DICER1: variants seen among roughly 807,000 people sequenced by gnomAD.
DICER1 encodes the protein dicer 1, ribonuclease III, also known as endoribonuclease Dicer.
DICER1 carries 43 observed loss-of-function variants against 194.1 expected under a neutral mutation model. The observed-to-expected ratio is 0.22, with a 90% CI of 0.17 to 0.29. The LOEUF is 0.29. DICER1 is among the 10% of genes least tolerant of loss of function. The pLI, the probability that DICER1 is intolerant of heterozygous loss-of-function variation, is 1.00. For synonymous variants in DICER1, 832 were observed against 820.5 expected, an observed-to-expected ratio of 1.01 and a Z score of -0.24; for missense variants, 1,608 against 2,317.0, an observed-to-expected ratio of 0.69 and a Z score of 6.28.
At position 95,133,431 on chromosome 14, in the gene DICER1, T is replaced by C; in HGVS notation, c.28A>G (p.Ser10Gly). Residue 10 changes from serine (S) to glycine (G), a missense_variant, in exon 2 of 27, where the codon AGC becomes GGC. By Grantham distance (56) the Ser-to-Gly change is moderately conservative. Coordinates refer to ENST00000343455, the MANE Select transcript of DICER1 (RefSeq NM_177438.3). ...GTCATGAGCTGCAGGCCTGCCATGC[T>C]GAGGGGTTGCAAAGCAGGGCTTTTC... is the stretch of plus-strand genomic sequence containing the variant. Reference protein sequence around the residue: MKSPALQPLSMAGLQLMTPA... With the variant: MKSPALQPLGMAGLQLMTPA... 1 of 1,613,922 alleles carries C rather than the reference T, an allele frequency of 6.2e-7. No homozygotes were observed.
In DICER1 at chr14:95,088,571, A is replaced by T. The variant is rs1426905340; in HGVS notation, c.*1927T>A. 4 of 231,962 alleles carry T rather than the reference A, an allele frequency of 1.7e-5. No individual in the cohort carries two copies. Among genetic ancestry groups the T allele is most frequent in the Non-Finnish European group, 2.6e-5 (3 of 117,338 alleles). The allele number at this position is 231,962 out of a possible 1,614,324, so 14.4% of individuals were successfully genotyped here. A position where few individuals can be genotyped will look rare whatever the true frequency, so the allele number is the denominator to read the frequency against. ...GTCATATCTTACATTAAGGTTTTTT[A>T]AAAAATCAAATAGACATCTAAGGTT... On this transcript the variant is annotated 3_prime_UTR_variant, in exon 27 of 27. Transcript: ENST00000343455.
chr14:95,156,841 T>A (rs73331578), intron 1 of DICER1, among the ~76,000 whole-genome samples: 4,297 of 152,078 alleles, frequency 0.028, 200 homozygotes, highest in African/African-American at 0.097. Context: ...CAGGCGCGCG[T>A]CTCCACCTCC....
In DICER1 at chr14:95,091,081, G is replaced by T. The variant is rs745795376; in HGVS notation, c.5556C>A (p.Ser1852=). 4 of 1,613,800 alleles carry T rather than the reference G, an allele frequency of 2.5e-6. No individual in the cohort carries two copies. The African/African-American group carries it at 4.0e-5, about 16-fold the overall frequency. Reference sequence around the variant, plus strand: ...CCATTTCAAGCAATTCTCGCACAGGGGAACGGGGTACATTTGCAGAAAACT... The same window carrying T: ...CCATTTCAAGCAATTCTCGCACAGGTGAACGGGGTACATTTGCAGAAAACT... The part of the protein sequence containing the change: ...IEKFSANVPR[S]PVRELLEMEP... The change falls in exon 26 of 27, where the codon TCC becomes TCA. Residue 1852 remains serine (S), a synonymous_variant. Transcript: ENST00000343455.
rs1380580795 is a variant in DICER1, at chr14:95,157,455, T to G, written c.-271A>C. Reference sequence around the variant, plus strand: ...CCCTCCCGCCGGCGCCTGCGGAGACTGCGCAGCGCCCGGCTGGCCGGCAGC... The same window carrying G: ...CCCTCCCGCCGGCGCCTGCGGAGACGGCGCAGCGCCCGGCTGGCCGGCAGC... On this transcript the variant is annotated 5_prime_UTR_variant, in exon 1 of 27. Transcript: ENST00000343455. The G allele has an allele frequency of 6.6e-6, 1 of 152,434 alleles. No individual in the cohort carries two copies. The highest frequency in any genetic ancestry group is 2.0e-4 in the South Asian group (1 of 4,926). The allele number at this position is 152,434 out of a possible 1,614,324, so 9.4% of individuals were successfully genotyped here.
intron 1 of DICER1, among the ~76,000 whole-genome samples, chr14:95,143,659 ATTTC>A (rs1191423167): frequency 1.3e-5 from 2 of 152,144 alleles, no homozygotes; most frequent in African/African-American, 4.8e-5. Context: ...AAACAGTAAG[ATTTC>A]TTTCTGTCTT....
intron 8 of DICER1, among the ~76,000 whole-genome samples, chr14:95,121,947 T>C (rs1892969798): frequency 6.6e-6 from 1 of 152,200 alleles, no homozygotes; most frequent in Admixed American, 6.5e-5. Context: ...ATAGCTTATA[T>C]GCCCATGAAA....
intron 1 of DICER1, among the ~76,000 whole-genome samples, chr14:95,149,998 T>G (rs112353423): frequency 9.2e-5 from 14 of 152,356 alleles, no homozygotes; most frequent in Admixed American, 4.6e-4. Flanking sequence ...ATCATCTGAC[T>G]ATACCCATCC....
In DICER1 at chr14:95,133,441, C is replaced by T. The variant is rs777350127; in HGVS notation, c.18G>A (p.Leu6=). ...GCAGGCCTGCCATGCTGAGGGGTTG[C>T]AAAGCAGGGCTTTTCATTCATCCAG... The part of the protein sequence containing the change: MKSPA[L]QPLSMAGLQL... Residue 6 remains leucine (L), a synonymous_variant, in exon 2 of 27, where the codon TTG becomes TTA. Coordinates refer to ENST00000343455, the MANE Select transcript of DICER1 (RefSeq NM_177438.3). 3.7e-6 allele frequency: 6 copies of T among 1,613,498 alleles called. No homozygotes were observed. Among genetic ancestry groups the T allele is most frequent in the Non-Finnish European group, 5.1e-6 (6 of 1,179,678 alleles).
intron 1 of DICER1, among the ~76,000 whole-genome samples, chr14:95,147,286 C>T (rs1895199956): frequency 6.6e-6 from 1 of 152,062 alleles, no homozygotes; most frequent in South Asian, 2.1e-4. Flanking sequence ...GGAAACATGG[C>T]AAAACCCCAT....
In DICER1 at chr14:95,099,766, ACAC is replaced by A. The variant is rs752585711; in HGVS notation, c.4206+11_4206+13del. On this transcript the variant is annotated intron_variant, in intron 22 of 26. Transcript: ENST00000343455. ...CACACACACACACACACACACACAC[ACAC>A]ACAAACTTACCATTTCATCTTTTTC... 4.4e-4 allele frequency: 620 copies of A among 1,412,262 alleles called. 2 individuals are homozygous for A. The highest frequency in any genetic ancestry group is 2.6e-3 in the East Asian group (76 of 29,110). The allele number at this position is 1,412,262 out of a possible 1,614,324, so 87.5% of individuals were successfully genotyped here. A position where few individuals can be genotyped will look rare whatever the true frequency, so the allele number is the denominator to read the frequency against.
At position 95,089,898 on chromosome 14, in the gene DICER1, C is replaced by T; in HGVS notation, c.*600G>A. 4.3e-6 allele frequency: 1 copy of T among 233,272 alleles called. No individual in the cohort carries two copies. The highest frequency in any genetic ancestry group is 8.5e-6 in the Non-Finnish European group (1 of 117,920). The allele number at this position is 233,272 out of a possible 1,614,324, so 14.5% of individuals were successfully genotyped here. On this transcript the variant is annotated 3_prime_UTR_variant, in exon 27 of 27. Transcript: ENST00000343455. ...AGAAAACTAAAATGTGATTCACCAA[C>T]ATGCCAGCCAATGTTCATTAAAAAT...
chr14:95,109,090 A>G (rs1378440425), intron 14 of DICER1, among the ~76,000 whole-genome samples: 1 of 152,218 alleles, frequency 6.6e-6, no homozygotes, highest in African/African-American at 2.4e-5. Flanking sequence ...TGTGTTTGTG[A>G]GATAGCCTGA....
rs1889671966 is a variant in DICER1 at position 95,090,267 on chromosome 14, A to C, written c.*231T>G. 1 of 567,698 alleles carries C rather than the reference A, an allele frequency of 1.8e-6. No homozygotes were observed. The highest frequency in any genetic ancestry group is 3.1e-6 in the Non-Finnish European group (1 of 320,210). 35.2% of individuals were successfully genotyped at this position (567,698 alleles called of 1,614,324 possible). A position where few individuals can be genotyped will look rare whatever the true frequency, so the allele number is the denominator to read the frequency against. ...GATTTAAACAAAGCAGAAGTGAGGAAAGAAGATAAGATTGTGTTTGCGCAA... is the reference window on the plus strand; with the variant it reads ...GATTTAAACAAAGCAGAAGTGAGGACAGAAGATAAGATTGTGTTTGCGCAA... On this transcript the variant is annotated 3_prime_UTR_variant, in exon 27 of 27. Coordinates refer to ENST00000343455, the MANE Select transcript of DICER1 (RefSeq NM_177438.3).
chr14:95,101,937 G>C (rs1890915621), intron 21 of DICER1, among the ~76,000 whole-genome samples: 1 of 152,154 alleles, frequency 6.6e-6, no homozygotes, highest in Non-Finnish European at 1.5e-5. Flanking sequence ...CCAAAGCCAG[G>C]CTGTCTGGAT....
At chr14:95,118,709 A>G (rs1175128658) in intron 8 of DICER1, among the ~76,000 whole-genome samples, 1 of 152,178 alleles carries the variant, frequency 6.6e-6, no homozygotes, top group East Asian at 1.9e-4. Context: ...TCCACACCTG[A>G]TATAAGCGAT....
intron 10 of DICER1, 89 bp downstream of exon 10, chr14:95,116,364 A>G: frequency 6.7e-7 from 1 of 1,481,600 alleles, no homozygotes. Flanking sequence ...AAAACTCATT[A>G]TCTGTTCCTA....
chr14:95,138,006 A>C (rs1194731011), intron 1 of DICER1: 2 of 154,694 alleles, frequency 1.3e-5, no homozygotes, highest in African/African-American at 4.8e-5. Flanking sequence ...AAGACCAACA[A>C]AGACTCAATT....
intron 21 of DICER1, among the ~76,000 whole-genome samples, chr14:95,101,533 T>G (rs1256394626): frequency 1.3e-5 from 2 of 152,186 alleles, no homozygotes; most frequent in African/African-American, 4.8e-5. Context: ...CAGCCTCAAT[T>G]ATCTGAACAT....
At chr14:95,125,506 G>C (rs182328404) in intron 7 of DICER1, among the ~76,000 whole-genome samples, 63 of 130,846 alleles carry the variant, frequency 4.8e-4, no homozygotes, top group African/African-American at 1.7e-3. Flanking sequence ...GAGGGAGAGG[G>C]AGAGAGGCAG....
Sources: allele counts gnomAD v4.1 joint callset (sites outside exome capture counted in the v4.1 genomes callset), GRCh38; gene constraint gnomAD v4.1.1; transcripts MANE v1.5; gene names NCBI Gene and HGNC (gene_info 2026-07-23, HGNC 2026-07-21).